IQGAP2: variants seen among roughly 807,000 people sequenced by gnomAD.
The protein encoded by IQGAP2 is ras GTPase-activating-like protein IQGAP2.
Under a neutral mutation model 201.3 loss-of-function variants are expected in IQGAP2, and 173 were observed. The ratio of observed to expected loss-of-function variants is 0.86; its 90% confidence interval spans 0.76 to 0.98. The LOEUF (loss-of-function observed/expected upper bound fraction) is 0.98. IQGAP2 is among the 50% of genes least tolerant of loss of function. IQGAP2 has a pLI of 0.00. For synonymous variants in IQGAP2, 675 were observed against 673.9 expected (o/e 1.00, Z -0.03); for missense variants, 1,687 against 1,864.8 (o/e 0.90, Z 1.76).
chr5:76,549,015 T>C lies in IQGAP2; in HGVS notation c.147-13381T>C, dbSNP rs191765369. 2.8e-3 allele frequency among the ~76,000 whole-genome samples: 426 copies of C among 152,184 alleles called. 3 individuals are homozygous for C. Among genetic ancestry groups the C allele is most frequent in the African/African-American group, 9.9e-3 (412 of 41,500 alleles). On this transcript the variant is annotated intron_variant, in intron 2 of 35. Coordinates refer to ENST00000274364, the MANE Select transcript of IQGAP2 (RefSeq NM_006633.5). The stretch of plus-strand genomic sequence containing the variant: ...CATACTTCCTGCGCAAGGAAGTCTG[T>C]ATGGCTAAACAGTGCTGAACTAAAC...
intron 1 of IQGAP2, among the ~76,000 whole-genome samples, chr5:76,431,141 A>G (rs1009611418): frequency 1.3e-5 from 2 of 152,066 alleles, no homozygotes; most frequent in Non-Finnish European, 2.9e-5. Flanking sequence ...GTGGATTTCT[A>G]CTGTAGATGA....
intron 33 of IQGAP2, among the ~76,000 whole-genome samples, chr5:76,700,222 T>C (rs1043882342): frequency 3.9e-5 from 6 of 152,170 alleles, no homozygotes; most frequent in Non-Finnish European, 8.8e-5. Context: ...TGATTCTCTC[T>C]TATGTCGTGT....
intron 17 of IQGAP2, among the ~76,000 whole-genome samples, chr5:76,646,430 A>G (rs1368422592): frequency 2.0e-5 from 3 of 152,220 alleles, no homozygotes; most frequent in Admixed American, 2.0e-4. Flanking sequence ...AAGATTGGTA[A>G]AAGTACAAAA....
At chr5:76,629,583 T>C (rs1331133974) in intron 14 of IQGAP2, among the ~76,000 whole-genome samples, 1 of 152,172 alleles carries the variant, frequency 6.6e-6, no homozygotes, top group African/African-American at 2.4e-5. Flanking sequence ...TTTAGACAGT[T>C]TTTTCTCTAA....
intron 2 of IQGAP2, among the ~76,000 whole-genome samples, chr5:76,483,140 C>T (rs896499001): frequency 1.3e-5 from 2 of 152,178 alleles, no homozygotes; most frequent in Non-Finnish European, 2.9e-5. Context: ...AAAGAATGTG[C>T]GCCTTCAGCT....
At chr5:76,540,683 A>G (rs149851348) in intron 2 of IQGAP2, among the ~76,000 whole-genome samples, 32 of 152,354 alleles carry the variant, frequency 2.1e-4, no homozygotes, top group Admixed American at 3.3e-4. Context: ...CCCTTGGCCT[A>G]TAGTGCCTTT....
At chr5:76,443,721 T>C (rs1753192614) in intron 1 of IQGAP2, among the ~76,000 whole-genome samples, 1 of 152,162 alleles carries the variant, frequency 6.6e-6, no homozygotes, top group Non-Finnish European at 1.5e-5. Context: ...GCAGCTGCTA[T>C]GGGACATGAC....
Position 76,652,740 on chromosome 5 carries a change from T to G in IQGAP2, c.2095-10T>G. 1.3e-6 allele frequency: 2 copies of G among 1,595,958 alleles called. No individual in the cohort carries two copies. Among genetic ancestry groups the G allele is most frequent in the South Asian group, 2.2e-5 (2 of 90,676 alleles). ...TGGTAAATAATTCTATAACCCACTC[T>G]TTTCCTTAGGCTTTTTGGAAAGGAT... On this transcript the variant is annotated splice_polypyrimidine_tract_variant and intron_variant, in intron 17 of 35. Transcript: ENST00000274364.
intron 26 of IQGAP2, 137 bp from the exon 27 acceptor site, chr5:76,674,340 G>A (rs974400083): frequency 4.9e-6 from 3 of 609,120 alleles, no homozygotes; most frequent in South Asian, 4.4e-5. Flanking sequence ...TAAACTCCTT[G>A]TTAGGATTTA....
At position 76,601,029 on chromosome 5, in the gene IQGAP2, T is replaced by G. The variant is rs1339417267; in HGVS notation, c.1232+57T>G. 3.3e-5 allele frequency: 51 copies of G among 1,547,922 alleles called. 1 individual carries two copies. In the South Asian group the frequency reaches 3.8e-4, roughly 12 times the overall value. ...GCAGAAATGCATGTTTGGCAGATCT[T>G]AAAAGTGAGGAATTTGCCTGTTGGT... On this transcript the variant is annotated intron_variant, in intron 11 of 35. Transcript: ENST00000274364.
intron 33 of IQGAP2, 70 bp from the exon 34 acceptor site, chr5:76,701,006 G>C (rs1580860133): frequency 6.6e-7 from 1 of 1,509,064 alleles, no homozygotes; most frequent in Admixed American, 1.7e-5. Context: ...CTCTGAGTAT[G>C]GTAATCGCAC....
chr5:76,668,595 A>G lies in IQGAP2; in HGVS notation c.2680-86A>G, dbSNP rs1171433288. 6 of 1,061,424 alleles carry G rather than the reference A, an allele frequency of 5.7e-6. No individual in the cohort carries two copies. The African/African-American group carries it at 9.7e-5, about 17-fold the overall frequency. The allele number at this position is 1,061,424 out of a possible 1,614,324, so 65.8% of individuals were successfully genotyped here. ...ACATTAAGTCATTGAAGAGCAGGGA[A>G]TCAGATACTGCTTTGTGCTTTAATA... On this transcript the variant is annotated intron_variant, in intron 22 of 35. Transcript: ENST00000274364.
intron 32 of IQGAP2, among the ~76,000 whole-genome samples, chr5:76,696,603 C>T (rs866996071): frequency 1.4e-4 from 22 of 152,094 alleles, no homozygotes; most frequent in African/African-American, 5.3e-4. Flanking sequence ...AAATTTCTCA[C>T]CTTCTGGAAG....
chr5:76,500,344 G>A (rs1026537318), intron 2 of IQGAP2, among the ~76,000 whole-genome samples: 4 of 152,186 alleles, frequency 2.6e-5, no homozygotes, highest in African/African-American at 9.7e-5. Context: ...GCTAGACTGT[G>A]TGGCTAAGCA....
At chr5:76,413,293 C>T (rs369274430) in intron 1 of IQGAP2, among the ~76,000 whole-genome samples, 33 of 151,296 alleles carry the variant, frequency 2.2e-4, no homozygotes, top group African/African-American at 8.0e-4. Context: ...CTCAGCCTCC[C>T]GAGTAGCTGA....
intron 5 of IQGAP2, among the ~76,000 whole-genome samples, chr5:76,583,746 A>C (rs1746041598): frequency 6.6e-6 from 1 of 152,238 alleles, no homozygotes; most frequent in Non-Finnish European, 1.5e-5. Flanking sequence ...GGAAATAGCT[A>C]TCTAACTTCT....
chr5:76,497,976 A>G (rs1319998823), intron 2 of IQGAP2, among the ~76,000 whole-genome samples: 1 of 152,204 alleles, frequency 6.6e-6, no homozygotes, highest in African/African-American at 2.4e-5. Flanking sequence ...TTATGATTCC[A>G]TGTACTCAGC....
intron 2 of IQGAP2, among the ~76,000 whole-genome samples, chr5:76,520,667 T>G (rs1373658998): frequency 6.6e-6 from 1 of 151,878 alleles, no homozygotes; most frequent in East Asian, 1.9e-4. Context: ...CTGTGTTAGA[T>G]CTTCAAGTCC....
chr5:76,504,670 C>G (rs985880718), intron 2 of IQGAP2, among the ~76,000 whole-genome samples: 8 of 152,130 alleles, frequency 5.3e-5, no homozygotes, highest in Admixed American at 5.2e-4. Context: ...TTTTGTAACC[C>G]TCCCTCCTAC....
Sources: allele counts gnomAD v4.1 joint callset (sites outside exome capture counted in the v4.1 genomes callset), GRCh38; gene constraint gnomAD v4.1.1; transcripts MANE v1.5; gene names NCBI Gene and HGNC (gene_info 2026-07-23, HGNC 2026-07-21).